The following HS6ST3 variants were observed in gnomAD, a reference collection of about 807,000 sequenced individuals.
HS6ST3 encodes heparan sulfate 6-O-sulfotransferase 3.
A neutral mutation model predicts 36.7 loss-of-function variants in HS6ST3; 12 were observed. That is an observed-to-expected ratio of 0.33 (90% CI 0.21 to 0.53). HS6ST3 has a LOEUF of 0.53. Ranked by LOEUF, HS6ST3 falls within the 20% of genes least tolerant of loss-of-function variation. HS6ST3 has a pLI of 0.95. For missense variants in HS6ST3, 584 were observed against 640.9 expected, an observed-to-expected ratio of 0.91 and a Z score of 0.96; for synonymous variants, 240 against 257.5, an observed-to-expected ratio of 0.93 and a Z score of 0.65.
intron 1 of HS6ST3, among the ~76,000 whole-genome samples, chr13:96,769,300 TA>T (rs1163403538): frequency 2.6e-5 from 4 of 152,274 alleles, no homozygotes; most frequent in South Asian, 2.1e-4. Context: ...TTTATTTATT[TA>T]TTTTTTTATT....
chr13:96,386,665 G>A (rs2055369966), intron 1 of HS6ST3, among the ~76,000 whole-genome samples: 1 of 152,094 alleles, frequency 6.6e-6, no homozygotes. Context: ...AAGAGATCAA[G>A]ACCATCCTGC....
chr13:96,494,045 A>C (rs1042512705), intron 1 of HS6ST3, among the ~76,000 whole-genome samples: 2 of 152,126 alleles, frequency 1.3e-5, no homozygotes, highest in Admixed American at 6.6e-5. Flanking sequence ...TTTGTGATGC[A>C]TCAGAATAAC....
chr13:96,373,927 CT>C (rs1566341360), intron 1 of HS6ST3, among the ~76,000 whole-genome samples: 1 of 152,148 alleles, frequency 6.6e-6, no homozygotes, highest in Admixed American at 6.5e-5. Flanking sequence ...ATCTGCTTTC[CT>C]TTTCCCTTTT....
At chr13:96,172,282 T>C (rs2054191197) in intron 1 of HS6ST3, among the ~76,000 whole-genome samples, 1 of 152,172 alleles carries the variant, frequency 6.6e-6, no homozygotes, top group South Asian at 2.1e-4. Context: ...TGCAAGGCAA[T>C]GACATCATCA....
intron 1 of HS6ST3, among the ~76,000 whole-genome samples, chr13:96,304,707 CTTTCT>C (rs1421969132): frequency 5.4e-5 from 5 of 92,206 alleles, no homozygotes; most frequent in Non-Finnish European, 1.0e-4. Context: ...TTCTTTCTTT[CTTTCT>C]TTTTTTTTTT....
At chr13:96,124,575 G>A (rs1285014568) in intron 1 of HS6ST3, among the ~76,000 whole-genome samples, 2 of 152,168 alleles carry the variant, frequency 1.3e-5, no homozygotes, top group Admixed American at 6.5e-5. Context: ...TAACAGCAGC[G>A]AGGATGGATG....
intron 1 of HS6ST3, among the ~76,000 whole-genome samples, chr13:96,279,685 T>G (rs1594741441): frequency 6.6e-6 from 1 of 152,176 alleles, no homozygotes; most frequent in Non-Finnish European, 1.5e-5. Context: ...CTATTTCCCT[T>G]TCTTCTTTCT....
chr13:96,161,373 T>TA (rs767541677), intron 1 of HS6ST3, among the ~76,000 whole-genome samples: 17 of 151,912 alleles, frequency 1.1e-4, no homozygotes, highest in Non-Finnish European at 2.1e-4. Flanking sequence ...GTGAAATGAG[T>TA]AGTGTCAGCA....
chr13:96,756,570 A>G (rs1000922274), intron 1 of HS6ST3, among the ~76,000 whole-genome samples: 18 of 152,174 alleles, frequency 1.2e-4, no homozygotes, highest in African/African-American at 4.3e-4. Context: ...TTGGGATTTT[A>G]TTTAATCTGT....
At chr13:96,340,247 A>G (rs1482904182) in intron 1 of HS6ST3, among the ~76,000 whole-genome samples, 3 of 152,186 alleles carry the variant, frequency 2.0e-5, no homozygotes, top group African/African-American at 7.2e-5. Context: ...AACAAATACT[A>G]TCTGTGGAAA....
intron 1 of HS6ST3, among the ~76,000 whole-genome samples, chr13:96,657,609 G>A (rs530464888): frequency 1.3e-5 from 2 of 152,168 alleles, no homozygotes; most frequent in African/African-American, 4.8e-5. Flanking sequence ...CAAATGCTTT[G>A]CTGTGAGTGA....
chr13:96,755,545 A>G (rs1876806753), intron 1 of HS6ST3, among the ~76,000 whole-genome samples: 1 of 151,930 alleles, frequency 6.6e-6, no homozygotes, highest in Admixed American at 6.6e-5. Context: ...TTGTATTTTT[A>G]GTAGAGACAG....
chr13:96,717,915 G>A (rs1875743786), intron 1 of HS6ST3, among the ~76,000 whole-genome samples: 1 of 152,148 alleles, frequency 6.6e-6, no homozygotes, highest in South Asian at 2.1e-4. Context: ...TATACTCAGA[G>A]ATGTGATATC....
At chr13:96,572,278 G>A (rs1378965857) in intron 1 of HS6ST3, among the ~76,000 whole-genome samples, 1 of 152,180 alleles carries the variant, frequency 6.6e-6, no homozygotes, top group East Asian at 1.9e-4. Context: ...ACTGCTTATA[G>A]TAGGAACAGC....
intron 1 of HS6ST3, among the ~76,000 whole-genome samples, chr13:96,170,525 C>T (rs1336144188): frequency 6.6e-6 from 1 of 152,134 alleles, no homozygotes; most frequent in Admixed American, 6.5e-5. Flanking sequence ...GGCAGCCAAG[C>T]AATTTTCTAA....
At chr13:96,313,261 C>T (rs770171094) in intron 1 of HS6ST3, among the ~76,000 whole-genome samples, 32 of 151,884 alleles carry the variant, frequency 2.1e-4, no homozygotes, top group South Asian at 1.2e-3. Flanking sequence ...GTCTTGCAAA[C>T]TCAGCTGTGC....
intron 1 of HS6ST3, among the ~76,000 whole-genome samples, chr13:96,785,445 G>A (rs1245826956): frequency 1.3e-5 from 2 of 152,138 alleles, no homozygotes; most frequent in African/African-American, 4.8e-5. Context: ...TGTGAAATTG[G>A]TTCAACCTGA....
At chr13:96,247,500 G>A (rs2054590046) in intron 1 of HS6ST3, among the ~76,000 whole-genome samples, 1 of 152,102 alleles carries the variant, frequency 6.6e-6, no homozygotes, top group Admixed American at 6.6e-5. Context: ...TTGCCACCAT[G>A]TGAAAAAGGC....
intron 1 of HS6ST3, among the ~76,000 whole-genome samples, chr13:96,351,609 G>A (rs985901086): frequency 6.6e-6 from 1 of 152,156 alleles, no homozygotes. Context: ...ACCATGCCTG[G>A]TTGGTGACAG....
Sources: allele counts gnomAD v4.1 joint callset (sites outside exome capture counted in the v4.1 genomes callset), GRCh38; gene constraint gnomAD v4.1.1; transcripts MANE v1.5; gene names NCBI Gene and HGNC (gene_info 2026-07-23, HGNC 2026-07-21).